Variants in TMEM38B observed in about 807,000 individuals in gnomAD.
TMEM38B encodes transmembrane protein 38B, also known as trimeric intracellular cation channel type B.
In TMEM38B, 24 loss-of-function variants were observed where a neutral mutation model predicts 28.7. The ratio of observed to expected loss-of-function variants is 0.84; its 90% confidence interval spans 0.61 to 1.18. The LOEUF is 1.18. Among genes scored for constraint, TMEM38B ranks in the 50% most tolerant of loss-of-function variants. The pLI, the probability that TMEM38B is intolerant of heterozygous loss-of-function variation, is 0.00. For synonymous variants in TMEM38B, 131 were observed against 127.7 expected, an observed-to-expected ratio of 1.03 and a Z score of -0.17; for missense variants, 380 against 350.9, an observed-to-expected ratio of 1.08 and a Z score of -0.66.
chr9:105,758,261 G>GAC, intron 5 of TMEM38B: 1 of 670,854 alleles, frequency 1.5e-6, no homozygotes, highest in African/African-American at 1.8e-5. Context: ...TACCAGTGTG[G>GAC]ACACTGAGGC....
chr9:105,772,677 A>T (rs1164441674), intron 5 of TMEM38B, among the ~76,000 whole-genome samples: 2 of 152,060 alleles, frequency 1.3e-5, no homozygotes, highest in Non-Finnish European at 2.9e-5. Flanking sequence ...TTTTTTTTAA[A>T]AATTGAGTTC....
At chr9:105,760,366 C>A in intron 5 of TMEM38B, 5 of 763,276 alleles carry the variant, frequency 6.6e-6, no homozygotes, top group Non-Finnish European at 1.2e-5. Flanking sequence ...GGAAATTCTT[C>A]AAGTACCAAC....
chr9:105,713,201 T>G (rs1356983481), intron 2 of TMEM38B, among the ~76,000 whole-genome samples: 2 of 152,024 alleles, frequency 1.3e-5, no homozygotes, highest in Non-Finnish European at 2.9e-5. Flanking sequence ...GCTGCAGCCT[T>G]CAAGTAGTGG....
At chr9:105,710,723 C>T (rs1041048326) in intron 2 of TMEM38B, 42 of 625,056 alleles carry the variant, frequency 6.7e-5, no homozygotes, top group South Asian at 4.1e-4. Flanking sequence ...GACCTGGTGT[C>T]GTTGGCTATG....
chr9:105,729,597 G>T (rs1025579362), intron 4 of TMEM38B, among the ~76,000 whole-genome samples: 1 of 152,128 alleles, frequency 6.6e-6, no homozygotes, highest in African/African-American at 2.4e-5. Context: ...CTTTAAAGTA[G>T]TTTTTTCCAA....
At chr9:105,738,319 C>T (rs147802182) in intron 4 of TMEM38B, among the ~76,000 whole-genome samples, 2,154 of 152,122 alleles carry the variant, frequency 0.014, 23 homozygotes, top group Non-Finnish European at 0.02. Context: ...AGAAGTCCCT[C>T]CTGGTTTCAA....
At chr9:105,747,277 A>G (rs199945700) in intron 4 of TMEM38B, among the ~76,000 whole-genome samples, 5,882 of 115,244 alleles carry the variant, frequency 0.051, 2 homozygotes, top group Non-Finnish European at 0.059. Flanking sequence ...CTATTCAGAG[A>G]TTCAATTTCT....
chr9:105,699,213 C>G (rs1209844081), intron 1 of TMEM38B, among the ~76,000 whole-genome samples: 1 of 152,008 alleles, frequency 6.6e-6, no homozygotes, highest in African/African-American at 2.4e-5. Flanking sequence ...TTTTCATAGT[C>G]AGAACTGAAG....
intron 2 of TMEM38B, among the ~76,000 whole-genome samples, chr9:105,709,845 T>C (rs1835832563): frequency 6.6e-6 from 1 of 152,234 alleles, no homozygotes; most frequent in African/African-American, 2.4e-5. Flanking sequence ...AAAATGGAAC[T>C]TTTATATTGG....
intron 4 of TMEM38B, among the ~76,000 whole-genome samples, chr9:105,731,841 T>C (rs987892503): frequency 9.9e-5 from 15 of 152,226 alleles, no homozygotes; most frequent in African/African-American, 2.6e-4. Context: ...ATCGCTGGGT[T>C]AAATGGTATT....
At chr9:105,759,702 A>G in intron 5 of TMEM38B, 1 of 1,598,410 alleles carries the variant, frequency 6.3e-7, no homozygotes, top group Non-Finnish European at 8.5e-7. Flanking sequence ...CTAAGCCCAA[A>G]CAGGAATTCC....
At chr9:105,744,492 C>T (rs1161296904) in intron 4 of TMEM38B, among the ~76,000 whole-genome samples, 1 of 152,000 alleles carries the variant, frequency 6.6e-6, no homozygotes, top group African/African-American at 2.4e-5. Flanking sequence ...TGAATATATA[C>T]TCAAGCTGCT....
chr9:105,768,037 A>G (rs960033750), intron 5 of TMEM38B, among the ~76,000 whole-genome samples: 3 of 152,114 alleles, frequency 2.0e-5, no homozygotes, highest in African/African-American at 7.2e-5. Context: ...CAGCCTTTTA[A>G]CTTAAATAAG....
chr9:105,771,128 T>G (rs1826529625), intron 5 of TMEM38B, among the ~76,000 whole-genome samples: 1 of 152,204 alleles, frequency 6.6e-6, no homozygotes, highest in South Asian at 2.1e-4. Context: ...TCTATTTTCT[T>G]TTGTTTCATC....
At chr9:105,713,474 T>C (rs1338646160) in intron 2 of TMEM38B, among the ~76,000 whole-genome samples, 1 of 152,212 alleles carries the variant, frequency 6.6e-6, no homozygotes. Context: ...GTGCCATTGC[T>C]TGGGGCAGTG....
rs750116531 is a variant in TMEM38B, at chr9:105,721,503, T to C, written c.270-34T>C. On this transcript the variant is annotated intron_variant, in intron 2 of 5. Coordinates refer to ENST00000374692, the MANE Select transcript of TMEM38B (RefSeq NM_018112.3). ...TTTAATTTCTGTTCTTCTGATTCCA[T>C]TAATATATTAAAATGTTTACATTTC... 5.5e-6 allele frequency: 8 copies of C among 1,442,844 alleles called. No homozygotes were observed. The Admixed American group carries it at 6.8e-5, about 12-fold the overall frequency. 89.4% of individuals were successfully genotyped at this position (1,442,844 alleles called of 1,614,324 possible). A position where few individuals can be genotyped will look rare whatever the true frequency, so the allele number is the denominator to read the frequency against.
chr9:105,721,851 C>A lies in TMEM38B; in HGVS notation c.454+130C>A, dbSNP rs567297811. The A allele has an allele frequency of 3.4e-3, 2,345 of 691,314 alleles. 39 individuals carry two copies. The highest frequency in any genetic ancestry group is 1.0e-3 in the Non-Finnish European group (462 of 460,072). The allele number at this position is 691,314 out of a possible 1,614,324, so 42.8% of individuals were successfully genotyped here. On this transcript the variant is annotated intron_variant, in intron 3 of 5. Transcript: ENST00000374692. The stretch of plus-strand genomic sequence containing the variant: ...ACAGAGACTTTTTGGAAGGTAAAAA[C>A]CTTGTTTCTGTTGGCTGGTAAAGTT...
At chr9:105,749,807 A>G (rs1228854427) in intron 5 of TMEM38B, among the ~76,000 whole-genome samples, 4 of 152,220 alleles carry the variant, frequency 2.6e-5, no homozygotes, top group African/African-American at 9.6e-5. Context: ...TTTGGCTAAT[A>G]TGGATAATGA....
intron 4 of TMEM38B, among the ~76,000 whole-genome samples, chr9:105,742,093 G>A (rs907654826): frequency 6.7e-6 from 1 of 150,154 alleles, no homozygotes; most frequent in Non-Finnish European, 1.5e-5. Flanking sequence ...CTGCCAGCTT[G>A]GACTGAAAGG....
Sources: gnomAD v4.1 joint callset for allele counts (sites outside exome capture counted in the v4.1 genomes callset) on GRCh38, gnomAD v4.1.1 for gene constraint, MANE v1.5 for transcripts, NCBI Gene and HGNC (gene_info 2026-07-23, HGNC 2026-07-21) for gene names.